Variants in APP observed in about 807,000 individuals in gnomAD.
The protein encoded by APP is amyloid beta precursor protein.
Under a neutral mutation model 101.4 loss-of-function variants are expected in APP, and 31 were observed. The observed-to-expected ratio is 0.31, with a 90% confidence interval of 0.23 to 0.41. The LOEUF (loss-of-function observed/expected upper bound fraction) is 0.41, where lower values mean the gene tolerates loss of function less well. Among genes scored for constraint, APP ranks in the 10% least tolerant of loss-of-function variants. The probability of loss-of-function intolerance (pLI) is 1.00; values close to 1 mark genes in which losing one functional copy is unlikely to be tolerated. For synonymous variants in APP, 366 were observed against 364.4 expected (o/e 1.00, Z -0.05); for missense variants, 839 against 1,003.7 (o/e 0.84, Z 2.22).
rs753737986 is a variant in APP at position 26,111,983 on chromosome 21, T to A, written c.221A>T (p.Gln74Leu). ...DTKEGILQYCQEVYPELQITN... is the reference protein window; with the variant it reads ...DTKEGILQYCLEVYPELQITN... ...TAGCCACCGGACAGGACTTACTTCTTGGCAATACTGCAGGATGCCTTCCTT... is the reference window on the plus strand; with the variant it reads ...TAGCCACCGGACAGGACTTACTTCTAGGCAATACTGCAGGATGCCTTCCTT... The change falls in exon 2 of 18, where the codon CAA becomes CTA. Residue 74 changes from glutamine to leucine, a missense_variant. Physicochemically the swap from Gln to Leu is moderately radical, Grantham distance 113. Coordinates refer to ENST00000346798, the MANE Select transcript of APP (RefSeq NM_000484.4). The A allele has an allele frequency of 1.9e-6, 3 of 1,614,096 alleles. No individual in the cohort carries two copies. The East Asian group carries it at 6.7e-5, about 36-fold the overall frequency.
At chr21:26,136,197 G>GAAAGA (rs1555882217) in intron 1 of APP, among the ~76,000 whole-genome samples, 11 of 124,162 alleles carry the variant, frequency 8.9e-5, no homozygotes, top group Non-Finnish European at 1.7e-4. Flanking sequence ...AAGAAAGAAA[G>GAAAGA]AAAGAAAAGA....
At chr21:26,082,046 C>G (rs1050770354) in intron 3 of APP, among the ~76,000 whole-genome samples, 19 of 152,046 alleles carry the variant, frequency 1.2e-4, no homozygotes, top group Non-Finnish European at 2.5e-4. Flanking sequence ...GATGAAACCC[C>G]ATCTCTACTA....
At chr21:25,899,608 AACAG>A (rs1346309911) in intron 15 of APP, among the ~76,000 whole-genome samples, 1 of 152,170 alleles carries the variant, frequency 6.6e-6, no homozygotes, top group Non-Finnish European at 1.5e-5. Context: ...CCACGTTGGA[AACAG>A]ACCCACCAGG....
intron 13 of APP, among the ~76,000 whole-genome samples, chr21:25,924,986 C>T (rs550822249): frequency 1.3e-5 from 2 of 152,262 alleles, no homozygotes; most frequent in Admixed American, 6.5e-5. Flanking sequence ...ACAGGAGATT[C>T]GCATATGACC....
chr21:26,067,840 C>A (rs183050465), intron 3 of APP, among the ~76,000 whole-genome samples: 2 of 152,068 alleles, frequency 1.3e-5, no homozygotes, highest in African/African-American at 4.8e-5. Context: ...TTCTAAATTC[C>A]CTACTTTGTT....
At chr21:25,949,422 G>T (rs1187409199) in intron 13 of APP, among the ~76,000 whole-genome samples, 1 of 152,164 alleles carries the variant, frequency 6.6e-6, no homozygotes, top group Admixed American at 6.5e-5. Context: ...CATTTAGTTA[G>T]CTTGATCAAT....
intron 3 of APP, among the ~76,000 whole-genome samples, chr21:26,087,032 T>TA (rs1215087841): frequency 6.6e-6 from 1 of 152,212 alleles, no homozygotes; most frequent in African/African-American, 2.4e-5. Flanking sequence ...GTACATCAGT[T>TA]ACACCTATGT....
At chr21:25,919,981 G>C (rs1321289851) in intron 13 of APP, among the ~76,000 whole-genome samples, 1 of 117,188 alleles carries the variant, frequency 8.5e-6, no homozygotes, top group East Asian at 2.4e-4. Context: ...CAGAGAGAAA[G>C]GTCGGGTTAC....
At chr21:26,069,673 G>T (rs1204256439) in intron 3 of APP, among the ~76,000 whole-genome samples, 2 of 152,176 alleles carry the variant, frequency 1.3e-5, no homozygotes, top group Non-Finnish European at 2.9e-5. Flanking sequence ...GCCTCTTTTA[G>T]ATTCTCCTGG....
intron 13 of APP, among the ~76,000 whole-genome samples, chr21:25,944,008 CAG>C (rs937481750): frequency 1.4e-4 from 21 of 151,886 alleles, no homozygotes; most frequent in African/African-American, 4.6e-4. Flanking sequence ...TATCTGCCCT[CAG>C]GGGATGGGCA....
chr21:25,914,752 A>G (rs1207207643), intron 13 of APP, among the ~76,000 whole-genome samples: 5 of 151,756 alleles, frequency 3.3e-5, no homozygotes, highest in Non-Finnish European at 1.5e-5. Context: ...ACGGGGTTTC[A>G]CCGTGTTAGC....
intron 5 of APP, among the ~76,000 whole-genome samples, chr21:26,045,157 C>T (rs1467181215): frequency 6.6e-6 from 1 of 152,048 alleles, no homozygotes; most frequent in Non-Finnish European, 1.5e-5. Context: ...TTTACAAATC[C>T]AAACTTGAAA....
intron 16 of APP, among the ~76,000 whole-genome samples, chr21:25,892,288 G>C (rs1485624866): frequency 6.6e-6 from 1 of 152,090 alleles, no homozygotes; most frequent in African/African-American, 2.4e-5. Context: ...ATGAAAGGAG[G>C]TCAGCATTTT....
chr21:25,983,288 G>C (rs1203304512), intron 8 of APP, among the ~76,000 whole-genome samples: 1 of 151,936 alleles, frequency 6.6e-6, no homozygotes, highest in Admixed American at 6.5e-5. Context: ...AAAGCAAAAA[G>C]AAAAAAGAAT....
chr21:25,998,517 T>G (rs2043145798), intron 7 of APP, among the ~76,000 whole-genome samples: 1 of 152,178 alleles, frequency 6.6e-6, no homozygotes, highest in Non-Finnish European at 1.5e-5. Flanking sequence ...TACATTCCTC[T>G]TAGATCCTGG....
chr21:26,133,793 A>C (rs1458527975), intron 1 of APP, among the ~76,000 whole-genome samples: 1 of 152,116 alleles, frequency 6.6e-6, no homozygotes, highest in Non-Finnish European at 1.5e-5. Flanking sequence ...AAAACAAATA[A>C]CTGGAATAAA....
intron 1 of APP, chr21:26,140,217 T>A: frequency 6.5e-7 from 1 of 1,536,128 alleles, no homozygotes; most frequent in Non-Finnish European, 8.7e-7. Flanking sequence ...AAGAGCTGGC[T>A]CCAATCATTG....
At chr21:26,032,801 A>AT (rs1555851810) in intron 5 of APP, among the ~76,000 whole-genome samples, 2 of 128,288 alleles carry the variant, frequency 1.6e-5, no homozygotes, top group East Asian at 3.4e-4. Context: ...TTAGAAAAAA[A>AT]AAAAATATAT....
chr21:26,140,910 G>T (rs1277445087), intron 1 of APP, among the ~76,000 whole-genome samples: 1 of 152,170 alleles, frequency 6.6e-6, no homozygotes, highest in Non-Finnish European at 1.5e-5. Flanking sequence ...CGGATTATAA[G>T]AAACAATTCA....
Sources: gnomAD v4.1 joint callset for allele counts (sites outside exome capture counted in the v4.1 genomes callset) on GRCh38, gnomAD v4.1.1 for gene constraint, MANE v1.5 for transcripts, NCBI Gene and HGNC (gene_info 2026-07-23, HGNC 2026-07-21) for gene names.